GPATCH1: variants seen among roughly 807,000 people sequenced by gnomAD.
GPATCH1 encodes the protein G patch domain-containing protein 1.
Under a neutral mutation model 114.9 loss-of-function variants are expected in GPATCH1, and 73 were observed. The observed-to-expected ratio is 0.64, with a 90% CI of 0.53 to 0.77. The LOEUF (loss-of-function observed/expected upper bound fraction) is 0.77, where lower values mean the gene tolerates loss of function less well. Among genes scored for constraint, GPATCH1 ranks in the 30% least tolerant of loss-of-function variants. The pLI, the probability that GPATCH1 is intolerant of heterozygous loss-of-function variation, is 0.00. For synonymous variants in GPATCH1, 391 were observed against 428.4 expected (o/e 0.91, Z 1.08); for missense variants, 1,058 against 1,144.3 (o/e 0.92, Z 1.09).
chr19:33,088,332 C>G (rs973814079), intron 2 of GPATCH1, 64 bp downstream of exon 2: 1 of 1,206,762 alleles, frequency 8.3e-7, no homozygotes, highest in East Asian at 2.5e-5. Flanking sequence ...TTGATTCTCC[C>G]TCACCCTTGC....
intron 3 of GPATCH1, 85 bp from the exon 4 acceptor site, chr19:33,093,274 T>C (rs1972617061): frequency 1.1e-6 from 1 of 901,530 alleles, no homozygotes; most frequent in African/African-American, 1.7e-5. Flanking sequence ...TTTTAACTTT[T>C]TTTTTTTAAC....
At chr19:33,114,761 C>G (rs989623123) in intron 15 of GPATCH1, among the ~76,000 whole-genome samples, 2 of 134,330 alleles carry the variant, frequency 1.5e-5, no homozygotes, top group Admixed American at 1.5e-4. Flanking sequence ...AAGTGCACTT[C>G]TTAGGTGTAT....
At chr19:33,089,586 A>G (rs1033473019) in intron 2 of GPATCH1, among the ~76,000 whole-genome samples, 3 of 151,844 alleles carry the variant, frequency 2.0e-5, no homozygotes, top group African/African-American at 7.3e-5. Context: ...TCACATAGCA[A>G]TTATCAAGAA....
chr19:33,125,737 A>C (rs1410683312), intron 18 of GPATCH1, among the ~76,000 whole-genome samples: 1 of 152,168 alleles, frequency 6.6e-6, no homozygotes, highest in East Asian at 1.9e-4. Context: ...GGGATCTTAG[A>C]GCAATGGGTG....
rs1418211822 is a variant in GPATCH1, at chr19:33,112,357, C to G, written c.1765-129C>G. ...ATTTTATGCCTTAGTTTCCAATGTA[C>G]TGGAGCATAAATGTTATAGCACAAA... On this transcript the variant is annotated intron_variant, in intron 12 of 19. Transcript: ENST00000170564. The G allele has an allele frequency of 5.2e-6, 5 of 968,062 alleles. No homozygotes were observed. In the African/African-American group the frequency reaches 6.5e-5, roughly 13 times the overall value. 60.0% of individuals were successfully genotyped at this position (968,062 alleles called of 1,614,324 possible). A position where few individuals can be genotyped will look rare whatever the true frequency, so the allele number is the denominator to read the frequency against.
chr19:33,091,920 C>T (rs531447277), intron 3 of GPATCH1, among the ~76,000 whole-genome samples: 1 of 152,284 alleles, frequency 6.6e-6, no homozygotes, highest in African/African-American at 2.4e-5. Context: ...TCTCTCTTCT[C>T]AGTCTTCTGT....
At chr19:33,118,187 T>A (rs978931746) in intron 16 of GPATCH1, 146 bp downstream of exon 16, 18 of 439,862 alleles carry the variant, frequency 4.1e-5, no homozygotes, top group Non-Finnish European at 6.1e-5. Context: ...TTTTTTTTTT[T>A]TTTTTTTTGG....
intron 9 of GPATCH1, among the ~76,000 whole-genome samples, chr19:33,102,440 A>G (rs1399312196): frequency 1.5e-5 from 2 of 136,464 alleles, no homozygotes; most frequent in African/African-American, 5.8e-5. Flanking sequence ...TCTGTCACCC[A>G]GGCTGCAGTG....
chr19:33,087,741 T>G (rs1667465901), intron 1 of GPATCH1, among the ~76,000 whole-genome samples: 2 of 150,702 alleles, frequency 1.3e-5, no homozygotes, highest in Non-Finnish European at 1.5e-5. Flanking sequence ...TGGAGTGCAG[T>G]GGTGTGATCT....
At position 33,121,199 on chromosome 19, in the gene GPATCH1, C is replaced by T. The variant is rs188308223; in HGVS notation, c.2521+2082C>T. 7.6e-4 allele frequency among the ~76,000 whole-genome samples: 115 copies of T among 151,792 alleles called. 1 individual carries two copies. The highest frequency in any genetic ancestry group is 2.7e-3 in the African/African-American group (114 of 41,468). On this transcript the variant is annotated intron_variant, in intron 17 of 19. Coordinates refer to ENST00000170564, the MANE Select transcript of GPATCH1 (RefSeq NM_018025.3). ...GTAGTGGTGCTGTCATAGCTCACTG[C>T]ATGACTTCTGGGCTGAAGTGATCCA...
chr19:33,119,845 G>A (rs1012968791), intron 17 of GPATCH1, among the ~76,000 whole-genome samples: 2 of 150,020 alleles, frequency 1.3e-5, no homozygotes, highest in African/African-American at 4.9e-5. Flanking sequence ...TTTGGTGAAA[G>A]CCCATCTCTA....
rs902309095 is a variant in GPATCH1, at chr19:33,094,251, C to A, written c.535C>A (p.Pro179Thr). 1.9e-6 allele frequency: 3 copies of A among 1,589,498 alleles called. No individual in the cohort carries two copies. In the African/African-American group the frequency reaches 4.0e-5, roughly 21 times the overall value. Residue 179 changes from proline (P) to threonine (T), a missense_variant, in exon 5 of 20, where the codon CCA becomes ACA. Physicochemically the swap from Pro to Thr is conservative, Grantham distance 38. Around this residue, in one of 3 missense-constraint regions of GPATCH1, gnomAD observed 893 missense variants for 977.4 expected, o/e 0.91. Transcript: ENST00000170564. ...AGTTGGTCCTCGAGTAAAGAGACGG[C>A]CACGCCGACAGAAACCTGGTGTGTA... ...QGVGPRVKRR[P>T]RRQKPDPGVK... is the part of the protein sequence containing the mutation.
intron 19 of GPATCH1, 72 bp downstream of exon 19, chr19:33,126,805 G>T: frequency 7.8e-7 from 1 of 1,285,922 alleles, no homozygotes; most frequent in Non-Finnish European, 1.1e-6. Context: ...TGTTTGCTTA[G>T]AGGCAAATAT....
At chr19:33,115,725 C>T (rs937472987) in intron 15 of GPATCH1, among the ~76,000 whole-genome samples, 11 of 151,234 alleles carry the variant, frequency 7.3e-5, no homozygotes, top group African/African-American at 2.7e-4. Flanking sequence ...AACTCTTGAC[C>T]TTAGGTGATC....
chr19:33,095,510 G>T (rs552076467), intron 5 of GPATCH1, among the ~76,000 whole-genome samples: 1 of 151,674 alleles, frequency 6.6e-6, no homozygotes, highest in Non-Finnish European at 1.5e-5. Context: ...GATCCACCCC[G>T]CCTCAGCCTC....
rs764738977 is a variant in GPATCH1 at position 33,097,762 on chromosome 19, G to T, written c.860G>T (p.Gly287Val). ...RKLGISGQAF[G>V]VGALEEEDDD... The stretch of plus-strand genomic sequence containing the variant: ...AACCTTGTTTTTTTAAAGGCTTTTG[G>T]TGTAGGTGCCCTGGAAGAGGAAGAT... Residue 287 changes from glycine (G) to valine (V), a missense_variant, in exon 8 of 20, where the codon GGT (glycine) becomes GTT (valine). Gly to Val is a moderately radical substitution (Grantham distance 109). Coordinates refer to ENST00000170564, the MANE Select transcript of GPATCH1 (RefSeq NM_018025.3). 7.4e-6 allele frequency: 12 copies of T among 1,613,950 alleles called. No individual in the cohort carries two copies. Among genetic ancestry groups the T allele is most frequent in the Middle Eastern group, 3.3e-4 (2 of 6,062 alleles).
rs552218895 is a variant in GPATCH1 at position 33,113,914 on chromosome 19, C to T, written c.2029+11C>T. The T allele has an allele frequency of 6.9e-5, 111 of 1,612,938 alleles. No homozygotes were observed. In the African/African-American group the frequency reaches 9.3e-4, roughly 14 times the overall value. ...ACCGAGGTCCCGACAGTGAGTAGGG[C>T]GTCCCCGGGGTCTCTGATTGACCAG... On this transcript the variant is annotated intron_variant, in intron 14 of 19. Coordinates refer to ENST00000170564, the MANE Select transcript of GPATCH1 (RefSeq NM_018025.3).
intron 4 of GPATCH1, 76 bp from the exon 5 acceptor site, chr19:33,094,096 A>G: frequency 1.2e-6 from 1 of 832,830 alleles, no homozygotes; most frequent in Non-Finnish European, 2.1e-6. Flanking sequence ...CTGAGCAGGA[A>G]CTCAGAAGCC....
At chr19:33,098,575 T>A (rs1261065483) in intron 8 of GPATCH1, among the ~76,000 whole-genome samples, 1 of 152,140 alleles carries the variant, frequency 6.6e-6, no homozygotes, top group Non-Finnish European at 1.5e-5. Flanking sequence ...GGATGCCAGC[T>A]CTCCATTGCC....
Sources: gnomAD v4.1 joint callset for allele counts (sites outside exome capture counted in the v4.1 genomes callset) on GRCh38, gnomAD v4.1.1 for gene constraint, gnomAD v4.1.1 regional missense constraint, MANE v1.5 for transcripts, NCBI Gene and HGNC (gene_info 2026-07-23, HGNC 2026-07-21) for gene names.